Variants in GALNT13 observed in about 807,000 individuals in gnomAD.
GALNT13 encodes the protein UDP-GalNAc:polypeptide N-acetylgalactosaminyltransferase 13.
Under a neutral mutation model 64.2 loss-of-function variants are expected in GALNT13, and 28 were observed. That is an observed-to-expected ratio of 0.44 (90% confidence interval 0.32 to 0.60). GALNT13 has a LOEUF of 0.60. Among genes scored for constraint, GALNT13 ranks in the 20% least tolerant of loss-of-function variants. The probability of loss-of-function intolerance (pLI) is 0.05; values close to 1 mark genes in which losing one functional copy is unlikely to be tolerated. For synonymous variants in GALNT13, 214 were observed against 224.6 expected (o/e 0.95, Z 0.42); for missense variants, 577 against 669.8 (o/e 0.86, Z 1.53).
the GALNT13 span, among the ~76,000 whole-genome samples, chr2:153,597,443 TAA>T: frequency 6.6e-6 from 1 of 151,884 alleles, no homozygotes; most frequent in African/African-American, 2.4e-5. Context: ...GCAAAAAAAA[TAA>T]AGTTAGACAC....
At chr2:153,136,848 C>CCACACACACACACACACACACACA in the GALNT13 span, among the ~76,000 whole-genome samples, 611 of 148,428 alleles carry the variant, frequency 4.1e-3, 4 homozygotes, top group Admixed American at 0.011. Flanking sequence ...GGTGTTTGCA[C>CCACACACACACACACACACACACA]CACACACACA....
At chr2:153,599,948 T>C in the GALNT13 span, among the ~76,000 whole-genome samples, 1 of 152,038 alleles carries the variant, frequency 6.6e-6, no homozygotes, top group South Asian at 2.1e-4. Context: ...CTGATGGGTA[T>C]GACTCCACCA....
the GALNT13 span, among the ~76,000 whole-genome samples, chr2:153,843,796 T>C: frequency 6.6e-6 from 1 of 152,078 alleles, no homozygotes. Flanking sequence ...AAGAGAAGGG[T>C]TACAGGCCCC....
At chr2:153,504,817 C>T in the GALNT13 span, among the ~76,000 whole-genome samples, 1 of 152,070 alleles carries the variant, frequency 6.6e-6, no homozygotes, top group African/African-American at 2.4e-5. Context: ...CATCTATGTT[C>T]ATTAGGGATA....
chr2:153,927,165 C>T (rs66575356), intron 2 of GALNT13, among the ~76,000 whole-genome samples: 37,061 of 151,810 alleles, frequency 0.24, 4,819 homozygotes, highest in Non-Finnish European at 0.28. Flanking sequence ...TTAATAAACG[C>T]TATTTCTTTC....
intron 3 of GALNT13, among the ~76,000 whole-genome samples, chr2:154,039,741 A>G (rs1213523370): frequency 1.4e-5 from 2 of 139,436 alleles, no homozygotes; most frequent in Non-Finnish European, 3.3e-5. Flanking sequence ...TTTATTGTAT[A>G]TGTTAAAAAT....
the GALNT13 span, among the ~76,000 whole-genome samples, chr2:153,078,693 T>G: frequency 1.4e-3 from 208 of 152,228 alleles, no homozygotes; most frequent in Non-Finnish European, 2.5e-3. Flanking sequence ...GGAGGAATTT[T>G]TTTTACTTGT....
At chr2:153,653,575 T>A in the GALNT13 span, among the ~76,000 whole-genome samples, 3 of 152,248 alleles carry the variant, frequency 2.0e-5, no homozygotes, top group East Asian at 5.8e-4. Flanking sequence ...AGGGCCAAAT[T>A]GCAATTGGTT....
chr2:153,269,282 T>G, the GALNT13 span, among the ~76,000 whole-genome samples: 3 of 152,326 alleles, frequency 2.0e-5, no homozygotes, highest in African/African-American at 7.2e-5. Context: ...GCTTTGCTGC[T>G]TAGAAATTTC....
chr2:153,669,373 C>T, the GALNT13 span, among the ~76,000 whole-genome samples: 1 of 152,194 alleles, frequency 6.6e-6, no homozygotes, highest in African/African-American at 2.4e-5. Flanking sequence ...TACACTTCTC[C>T]CCACATCCAC....
At chr2:154,232,114 A>G (rs1237350111) in intron 4 of GALNT13, among the ~76,000 whole-genome samples, 2 of 152,056 alleles carry the variant, frequency 1.3e-5, no homozygotes, top group African/African-American at 4.8e-5. Flanking sequence ...CATCTCAGAT[A>G]ACATTCCAAT....
intron 4 of GALNT13, among the ~76,000 whole-genome samples, chr2:154,163,045 A>G (rs1237698913): frequency 6.6e-6 from 1 of 150,834 alleles, no homozygotes; most frequent in Non-Finnish European, 1.5e-5. Flanking sequence ...GGTTAGTTAC[A>G]TACGTATACA....
chr2:153,721,734 A>T, the GALNT13 span, among the ~76,000 whole-genome samples: 2 of 152,138 alleles, frequency 1.3e-5, no homozygotes, highest in East Asian at 1.9e-4. Flanking sequence ...TGGTAAAGGG[A>T]TCAATTCAAC....
chr2:154,428,653 A>G (rs975541490), intron 11 of GALNT13, among the ~76,000 whole-genome samples: 8 of 151,942 alleles, frequency 5.3e-5, no homozygotes, highest in Non-Finnish European at 8.8e-5. Context: ...GAGCATGTCT[A>G]TTGGCTTCAT....
chr2:153,418,020 C>T, the GALNT13 span, among the ~76,000 whole-genome samples: 1 of 152,114 alleles, frequency 6.6e-6, no homozygotes, highest in African/African-American at 2.4e-5. Context: ...TGGTAGGCAG[C>T]AAAATGGCCT....
chr2:154,189,252 A>T (rs1396271229), intron 4 of GALNT13, among the ~76,000 whole-genome samples: 1 of 152,116 alleles, frequency 6.6e-6, no homozygotes, highest in Non-Finnish European at 1.5e-5. Flanking sequence ...TATAAATAGG[A>T]CATATAAAAT....
the GALNT13 span, among the ~76,000 whole-genome samples, chr2:153,114,074 C>T: frequency 2.0e-5 from 3 of 152,104 alleles, no homozygotes; most frequent in Admixed American, 6.5e-5. Flanking sequence ...CTTGTTCTGT[C>T]TCCTTTCCTC....
At chr2:153,471,667 G>C in the GALNT13 span, among the ~76,000 whole-genome samples, 7 of 152,106 alleles carry the variant, frequency 4.6e-5, no homozygotes, top group Middle Eastern at 0.01. Flanking sequence ...TCTTAACTTA[G>C]CTTTTAAAGA....
chr2:153,476,091 G>T, the GALNT13 span, among the ~76,000 whole-genome samples: 3 of 152,146 alleles, frequency 2.0e-5, no homozygotes, highest in Admixed American at 1.3e-4. Context: ...TTAAAAGACA[G>T]GAACAACAAG....
Sources: gnomAD v4.1 joint callset for allele counts (sites outside exome capture counted in the v4.1 genomes callset) on GRCh38, gnomAD v4.1.1 for gene constraint, MANE v1.5 for transcripts, NCBI Gene and HGNC (gene_info 2026-07-23, HGNC 2026-07-21) for gene names.